Variants in SPOCK1 observed in about 807,000 individuals in gnomAD.
SPOCK1 encodes the protein testican-1.
A neutral mutation model predicts 55.3 loss-of-function variants in SPOCK1; 23 were observed. The ratio of observed to expected loss-of-function variants is 0.42; its 90% CI spans 0.30 to 0.59. The LOEUF (loss-of-function observed/expected upper bound fraction) is 0.59. Among genes scored for constraint, SPOCK1 ranks in the 20% least tolerant of loss-of-function variants. The pLI, the probability that SPOCK1 is intolerant of heterozygous loss-of-function variation, is 0.22. For missense variants in SPOCK1, 499 were observed against 552.5 expected, an observed-to-expected ratio of 0.90 and a Z score of 0.97; for synonymous variants, 226 against 221.0, an observed-to-expected ratio of 1.02 and a Z score of -0.20.
chr5:137,155,864 G>A (rs1271478267), intron 3 of SPOCK1, among the ~76,000 whole-genome samples: 1 of 152,196 alleles, frequency 6.6e-6, no homozygotes, highest in Non-Finnish European at 1.5e-5. Context: ...TCAAAGCCCT[G>A]TTAGAGGGCA....
At chr5:137,075,945 T>C (rs976674335) in intron 5 of SPOCK1, among the ~76,000 whole-genome samples, 65 of 152,260 alleles carry the variant, frequency 4.3e-4, no homozygotes, top group African/African-American at 1.5e-3. Context: ...TTTAAATTTC[T>C]GTGGGATTTT....
chr5:137,011,603 C>T (rs1434072726), intron 6 of SPOCK1, among the ~76,000 whole-genome samples: 1 of 152,160 alleles, frequency 6.6e-6, no homozygotes, highest in East Asian at 1.9e-4. Flanking sequence ...CATACCTTTT[C>T]CATTCTCCAC....
chr5:137,415,906 A>G (rs1561529625), intron 2 of SPOCK1, among the ~76,000 whole-genome samples: 2 of 152,164 alleles, frequency 1.3e-5, no homozygotes, highest in South Asian at 2.1e-4. Context: ...GTTAGTTCTT[A>G]GAAACCTAAG....
At chr5:137,346,863 A>G (rs1468409110) in intron 2 of SPOCK1, among the ~76,000 whole-genome samples, 1 of 152,138 alleles carries the variant, frequency 6.6e-6, no homozygotes, top group African/African-American at 2.4e-5. Context: ...ACTGAGAAAT[A>G]CCCCAAATCT....
At position 137,203,455 on chromosome 5, in the gene SPOCK1, C is replaced by A. The variant is rs1434628; in HGVS notation, c.233-62761G>T. Among the ~76,000 whole-genome samples, 6 of 152,120 alleles carry A rather than the reference C, an allele frequency of 3.9e-5. No individual in the cohort carries two copies. In the South Asian group the frequency reaches 1.3e-3, roughly 32 times the overall value. On this transcript the variant is annotated intron_variant, in intron 3 of 10. Coordinates refer to ENST00000394945, the MANE Select transcript of SPOCK1 (RefSeq NM_004598.4). The stretch of plus-strand genomic sequence containing the variant: ...CACTCATCTCATGAAGTGAAAAAGG[C>A]GATGAATGGCTCCAGGCCTAAGCAG...
At chr5:137,000,556 C>T (rs1221211317) in intron 6 of SPOCK1, among the ~76,000 whole-genome samples, 1 of 152,124 alleles carries the variant, frequency 6.6e-6, no homozygotes, top group Admixed American at 6.5e-5. Context: ...ACAGAAGGTG[C>T]CCCAGTGCTG....
intron 4 of SPOCK1, among the ~76,000 whole-genome samples, chr5:137,122,257 G>GCACACACACA (rs374324093): frequency 6.9e-6 from 1 of 145,884 alleles, no homozygotes; most frequent in East Asian, 2.0e-4. Flanking sequence ...ACACACACAC[G>GCACACACACA]CACACACACA....
At chr5:137,398,239 C>T (rs1458860881) in intron 2 of SPOCK1, among the ~76,000 whole-genome samples, 1 of 152,120 alleles carries the variant, frequency 6.6e-6, no homozygotes, top group Non-Finnish European at 1.5e-5. Flanking sequence ...AATGAGGTGG[C>T]ACCATGACAA....
intron 2 of SPOCK1, among the ~76,000 whole-genome samples, chr5:137,347,178 A>C (rs920830355): frequency 6.6e-6 from 1 of 151,866 alleles, no homozygotes; most frequent in Non-Finnish European, 1.5e-5. Flanking sequence ...TCATGTTTTC[A>C]AATCAAATAA....
At chr5:137,341,308 T>A (rs1466749588) in intron 2 of SPOCK1, among the ~76,000 whole-genome samples, 1 of 152,242 alleles carries the variant, frequency 6.6e-6, no homozygotes, top group African/African-American at 2.4e-5. Context: ...TATTTTAAGA[T>A]CTGCTCAGAA....
intron 2 of SPOCK1, among the ~76,000 whole-genome samples, chr5:137,470,187 T>C (rs1282044739): frequency 6.6e-6 from 1 of 152,212 alleles, no homozygotes; most frequent in East Asian, 1.9e-4. Context: ...TGGCCATTTA[T>C]TGTGGACGGA....
intron 5 of SPOCK1, among the ~76,000 whole-genome samples, chr5:137,107,734 G>C (rs575132679): frequency 2.0e-5 from 3 of 152,148 alleles, no homozygotes; most frequent in African/African-American, 4.8e-5. Flanking sequence ...CCCGGAAGCA[G>C]AAGGAAAGCT....
At chr5:137,068,174 C>T (rs1416851297) in intron 5 of SPOCK1, among the ~76,000 whole-genome samples, 1 of 152,174 alleles carries the variant, frequency 6.6e-6, no homozygotes, top group African/African-American at 2.4e-5. Context: ...CACTTTGAGG[C>T]ATCTTCTCCA....
intron 3 of SPOCK1, among the ~76,000 whole-genome samples, chr5:137,214,541 C>CAAA (rs3043236): frequency 1.1e-4 from 6 of 52,888 alleles, no homozygotes; most frequent in African/African-American, 2.4e-4. Flanking sequence ...TGCAATCACT[C>CAAA]AACAACAACG....
chr5:137,141,118 C>G (rs932897324), intron 3 of SPOCK1, among the ~76,000 whole-genome samples: 2 of 152,138 alleles, frequency 1.3e-5, no homozygotes, highest in African/African-American at 4.8e-5. Flanking sequence ...TGTGTTTGCC[C>G]TCGGTGCTGT....
At chr5:137,117,296 T>C (rs957990099) in intron 4 of SPOCK1, among the ~76,000 whole-genome samples, 4 of 152,222 alleles carry the variant, frequency 2.6e-5, no homozygotes, top group Non-Finnish European at 5.9e-5. Context: ...CAATGTCTAT[T>C]CCTTGTTCAA....
intron 3 of SPOCK1, among the ~76,000 whole-genome samples, chr5:137,181,735 G>A (rs754091834): frequency 4.6e-5 from 7 of 152,246 alleles, no homozygotes; most frequent in South Asian, 2.1e-4. Context: ...CAGGGCAAAT[G>A]CAAAGTGTAA....
chr5:137,292,309 A>G (rs1757383835), intron 2 of SPOCK1, among the ~76,000 whole-genome samples: 1 of 151,930 alleles, frequency 6.6e-6, no homozygotes, highest in Admixed American at 6.6e-5. Context: ...ACCCCTGAGG[A>G]GAGTTTCGAA....
chr5:137,299,301 A>G (rs1241411159), intron 2 of SPOCK1, among the ~76,000 whole-genome samples: 1 of 152,104 alleles, frequency 6.6e-6, no homozygotes, highest in Non-Finnish European at 1.5e-5. Flanking sequence ...ATATATATGA[A>G]TACACTTGCA....
Sources: allele counts gnomAD v4.1 joint callset (sites outside exome capture counted in the v4.1 genomes callset), GRCh38; gene constraint gnomAD v4.1.1; transcripts MANE v1.5; gene names NCBI Gene and HGNC (gene_info 2026-07-23, HGNC 2026-07-21).